The following CDK14 variants were observed in gnomAD, a reference collection of about 807,000 sequenced individuals.
The protein encoded by CDK14 is cyclin-dependent kinase 14.
Under a neutral mutation model 60.7 loss-of-function variants are expected in CDK14, and 34 were observed. That is an observed-to-expected ratio of 0.56 (90% CI 0.43 to 0.75). The LOEUF (loss-of-function observed/expected upper bound fraction) is 0.75. Ranked by LOEUF, CDK14 falls within the 30% of genes least tolerant of loss-of-function variation. The pLI is 0.00. For missense variants in CDK14, 482 were observed against 564.1 expected, an observed-to-expected ratio of 0.85 and a Z score of 1.47; for synonymous variants, 197 against 203.7, an observed-to-expected ratio of 0.97 and a Z score of 0.28.
chr7:90,731,885 G>C (rs1488717091), intron 3 of CDK14, among the ~76,000 whole-genome samples: 2 of 151,990 alleles, frequency 1.3e-5, no homozygotes, highest in African/African-American at 4.8e-5. Flanking sequence ...TGTTGAATAG[G>C]AGGGGTGAGA....
intron 2 of CDK14, among the ~76,000 whole-genome samples, chr7:90,668,043 T>A (rs1801021043): frequency 6.6e-6 from 1 of 152,230 alleles, no homozygotes; most frequent in Admixed American, 6.5e-5. Flanking sequence ...TTTTTCTTAG[T>A]GGGTTTGCTA....
intron 4 of CDK14, among the ~76,000 whole-genome samples, chr7:90,787,504 T>A (rs934416192): frequency 8.5e-4 from 130 of 152,284 alleles, no homozygotes; most frequent in African/African-American, 3.0e-3. Context: ...GAAATAATAC[T>A]TTTAGTAATT....
chr7:90,672,606 A>G (rs1402285852), intron 2 of CDK14, among the ~76,000 whole-genome samples: 4 of 143,190 alleles, frequency 2.8e-5, no homozygotes, highest in Non-Finnish European at 3.0e-5. Flanking sequence ...TGCAGCCTCA[A>G]ACTCCCGGGC....
At chr7:90,645,038 G>A (rs1285283314) in intron 2 of CDK14, among the ~76,000 whole-genome samples, 1 of 152,122 alleles carries the variant, frequency 6.6e-6, no homozygotes, top group South Asian at 2.1e-4. Flanking sequence ...TATTATTTTA[G>A]TGAGCACCAA....
At chr7:90,788,208 C>T (rs540830109) in intron 4 of CDK14, among the ~76,000 whole-genome samples, 4 of 152,230 alleles carry the variant, frequency 2.6e-5, no homozygotes, top group Admixed American at 2.6e-4. Flanking sequence ...GGGAAAATTC[C>T]AAGCAGTTCC....
intron 10 of CDK14, among the ~76,000 whole-genome samples, chr7:91,029,377 G>A (rs1001927094): frequency 1.2e-4 from 18 of 151,970 alleles, no homozygotes; most frequent in African/African-American, 3.9e-4. Context: ...CATTTGATAG[G>A]AATTGCATTG....
intron 3 of CDK14, among the ~76,000 whole-genome samples, chr7:90,743,736 A>G (rs1449648981): frequency 6.6e-6 from 1 of 151,390 alleles, no homozygotes; most frequent in East Asian, 1.9e-4. Context: ...TTTTTATGGG[A>G]GATATTAATT....
At chr7:90,921,289 G>A (rs1417646712) in intron 8 of CDK14, among the ~76,000 whole-genome samples, 1 of 151,910 alleles carries the variant, frequency 6.6e-6, no homozygotes, top group Non-Finnish European at 1.5e-5. Context: ...TGGGATGCTC[G>A]TCCTTCTGCC....
At chr7:90,955,189 A>T (rs985713299) in intron 8 of CDK14, among the ~76,000 whole-genome samples, 1 of 152,182 alleles carries the variant, frequency 6.6e-6, no homozygotes, top group African/African-American at 2.4e-5. Flanking sequence ...TATTTGACAG[A>T]ACACTGAAAC....
intron 4 of CDK14, among the ~76,000 whole-genome samples, chr7:90,771,230 G>A (rs940305738): frequency 1.2e-4 from 18 of 152,124 alleles, no homozygotes; most frequent in Admixed American, 6.5e-5. Flanking sequence ...AACAAGGATC[G>A]GAATAATTTT....
intron 14 of CDK14, among the ~76,000 whole-genome samples, chr7:91,181,469 G>C (rs1301019682): frequency 6.6e-6 from 1 of 152,068 alleles, no homozygotes; most frequent in Non-Finnish European, 1.5e-5. Context: ...GTAGCTGTTA[G>C]TGATCATTTC....
intron 14 of CDK14, among the ~76,000 whole-genome samples, chr7:91,171,242 C>T (rs1337400457): frequency 6.6e-6 from 1 of 151,930 alleles, no homozygotes; most frequent in Non-Finnish European, 1.5e-5. Flanking sequence ...CCCGGCTACT[C>T]AGGAGGCTGA....
chr7:91,026,036 T>A (rs1796561099), intron 10 of CDK14, among the ~76,000 whole-genome samples: 1 of 152,114 alleles, frequency 6.6e-6, no homozygotes, highest in African/African-American at 2.4e-5. Context: ...TTTTTTTTTT[T>A]AGTGAACATA....
chr7:90,771,424 C>A (rs981924808), intron 4 of CDK14, among the ~76,000 whole-genome samples: 1 of 152,110 alleles, frequency 6.6e-6, no homozygotes, highest in African/African-American at 2.4e-5. Context: ...GTTCTGAGTT[C>A]TTGTCTTATG....
chr7:90,833,893 G>C (rs1264122965), intron 5 of CDK14, among the ~76,000 whole-genome samples: 1 of 152,150 alleles, frequency 6.6e-6, no homozygotes, highest in East Asian at 1.9e-4. Flanking sequence ...AAATTGGCTT[G>C]CATTTCCTTT....
At chr7:90,696,198 A>T (rs1201523067) in intron 2 of CDK14, among the ~76,000 whole-genome samples, 1 of 152,142 alleles carries the variant, frequency 6.6e-6, no homozygotes, top group East Asian at 1.9e-4. Context: ...ACAATCAAGG[A>T]TTCTGAAGTT....
At chr7:91,124,651 G>A (rs1799888031) in intron 14 of CDK14, among the ~76,000 whole-genome samples, 1 of 151,860 alleles carries the variant, frequency 6.6e-6, no homozygotes, top group Non-Finnish European at 1.5e-5. Context: ...GGTCAAATGA[G>A]CTTTCAAAAT....
intron 14 of CDK14, among the ~76,000 whole-genome samples, chr7:91,133,843 T>A (rs1407053900): frequency 6.6e-6 from 1 of 152,192 alleles, no homozygotes; most frequent in African/African-American, 2.4e-5. Context: ...TGTAGATCTA[T>A]GTTGAAGAGT....
chr7:91,100,425 G>A (rs916038755), intron 12 of CDK14, among the ~76,000 whole-genome samples: 4 of 152,114 alleles, frequency 2.6e-5, no homozygotes, highest in African/African-American at 7.2e-5. Flanking sequence ...ACAGTAGAGC[G>A]GAAACATGAT....
Sources: allele counts gnomAD v4.1 joint callset (sites outside exome capture counted in the v4.1 genomes callset), GRCh38; gene constraint gnomAD v4.1.1; transcripts MANE v1.5; gene names NCBI Gene and HGNC (gene_info 2026-07-23, HGNC 2026-07-21).